The following ZC3H4 variants were observed in gnomAD, a reference collection of about 807,000 sequenced individuals.
The protein encoded by ZC3H4 is zinc finger CCCH domain-containing protein 4.
ZC3H4 carries 13 observed loss-of-function variants against 108.3 expected under a neutral mutation model. The observed-to-expected ratio is 0.12, with a 90% CI of 0.08 to 0.19. The LOEUF is 0.19. Ranked by LOEUF, ZC3H4 falls within the 10% of genes least tolerant of loss-of-function variation. ZC3H4 has a pLI of 1.00. For missense variants in ZC3H4, 1,734 were observed against 1,838.8 expected, an observed-to-expected ratio of 0.94 and a Z score of 1.04; for synonymous variants, 917 against 749.6, an observed-to-expected ratio of 1.22 and a Z score of -3.65.
chr19:47,075,132 G>A (rs1274884634), intron 11 of ZC3H4, among the ~76,000 whole-genome samples: 1 of 152,116 alleles, frequency 6.6e-6, no homozygotes, highest in African/African-American at 2.4e-5. Context: ...TGGAACCCCA[G>A]GGTCCAATAA....
chr19:47,084,296 T>G (rs1184964868), intron 9 of ZC3H4, 49 bp downstream of exon 9: 1 of 1,573,348 alleles, frequency 6.4e-7, no homozygotes, highest in South Asian at 1.1e-5. Flanking sequence ...CCATGTGTCC[T>G]CTGGGGGCTA....
chr19:47,085,248 C>T, intron 7 of ZC3H4, 53 bp from the exon 8 acceptor site: 1 of 1,574,422 alleles, frequency 6.4e-7, no homozygotes, highest in South Asian at 1.1e-5. Flanking sequence ...CCCCCACCCC[C>T]AGGACTAGAT....
rs1379002272 is a variant in ZC3H4, at chr19:47,070,556, G to A, written c.2147-1213C>T. ...AGCTTTTCCCGTGCACCTTTTAGAC[G>A]CATTTGTTGAAGGGGGAGGAGCTGA... On this transcript the variant is annotated intron_variant, in intron 13 of 14. Coordinates refer to ENST00000253048, the MANE Select transcript of ZC3H4 (RefSeq NM_015168.2). Among the ~76,000 whole-genome samples, 7 of 152,152 alleles carry A rather than the reference G, an allele frequency of 4.6e-5. No homozygotes were observed. The South Asian group carries it at 6.2e-4, about 14-fold the overall frequency.
intron 11 of ZC3H4, among the ~76,000 whole-genome samples, chr19:47,077,983 T>C (rs2057453075): frequency 6.6e-6 from 1 of 152,146 alleles, no homozygotes; most frequent in Non-Finnish European, 1.5e-5. Context: ...CAGAAAATAT[T>C]GCTCTCTACA....
chr19:47,066,419 A>G lies in ZC3H4; in HGVS notation c.3849T>C (p.Asp1283=). 6.4e-7 allele frequency: 1 copy of G among 1,571,964 alleles called. No individual in the cohort carries two copies. Among genetic ancestry groups the G allele is most frequent in the Non-Finnish European group, 8.6e-7 (1 of 1,161,242 alleles). Residue 1283 remains aspartate (D), a synonymous_variant, in exon 15 of 15, where the codon GAT becomes GAC. Transcript: ENST00000253048. ...GNSPAREGEQ[D]AASLKDVFKG... is the part of the protein sequence containing the mutation. Reference sequence around the variant, plus strand: ...TAAAAACATCCTTCAGGGATGCCGCATCCTGCTCACCCTCGCGGGCCGGAC... The same window carrying G: ...TAAAAACATCCTTCAGGGATGCCGCGTCCTGCTCACCCTCGCGGGCCGGAC...
chr19:47,112,448 T>C lies in ZC3H4; in HGVS notation c.137A>G (p.His46Arg). 8.2e-7 allele frequency: 1 copy of C among 1,226,562 alleles called. No individual in the cohort carries two copies. The allele number at this position is 1,226,562 out of a possible 1,614,324, so 76.0% of individuals were successfully genotyped here. A position where few individuals can be genotyped will look rare whatever the true frequency, so the allele number is the denominator to read the frequency against. The stretch of plus-strand genomic sequence containing the variant: ...CCTGTCGTCAGGGAGCGGGAGGCGG[T>C]GGTGGAGGAGGTGCGGGGTGGCCGG... ...ARPATPHLLH[H>R]RLPLPDDRED... Residue 46 changes from histidine to arginine, a missense_variant, in exon 2 of 15, where the codon CAC becomes CGC. By Grantham distance (29) the His-to-Arg change is conservative. This residue lies in a region of ZC3H4 where 112 missense variants were observed against 73.3 expected (regional missense o/e 1.53). Transcript: ENST00000253048.
Position 47,065,994 on chromosome 19 carries a change from A to G in ZC3H4, c.*362T>C. The G allele has an allele frequency of 1.7e-5, 3 of 179,656 alleles. No homozygotes were observed. The highest frequency in any genetic ancestry group is 3.5e-5 in the Non-Finnish European group (3 of 86,776). 11.1% of individuals were successfully genotyped at this position (179,656 alleles called of 1,614,324 possible). On this transcript the variant is annotated 3_prime_UTR_variant, in exon 15 of 15. Coordinates refer to ENST00000253048, the MANE Select transcript of ZC3H4 (RefSeq NM_015168.2). ...AACTGTTCCCTTTGTCCTGGGGAAA[A>G]GGGGCCATGCTTTGCCCAGAAAACC...
chr19:47,085,272 G>A (rs1345651359), intron 7 of ZC3H4, 46 bp downstream of exon 7: 40 of 1,552,580 alleles, frequency 2.6e-5, no homozygotes, highest in Non-Finnish European at 3.4e-5. Context: ...AGCAGCTGCT[G>A]GAATCCCTGC....
intron 11 of ZC3H4, among the ~76,000 whole-genome samples, chr19:47,076,538 C>A (rs568457292): frequency 6.6e-6 from 1 of 152,272 alleles, no homozygotes; most frequent in African/African-American, 2.4e-5. Flanking sequence ...GGGGTGGTGA[C>A]ATGACTCAAT....
intron 11 of ZC3H4, among the ~76,000 whole-genome samples, chr19:47,076,098 T>C (rs1265238767): frequency 6.6e-6 from 1 of 152,228 alleles, no homozygotes; most frequent in Non-Finnish European, 1.5e-5. Flanking sequence ...TTAGGCCATG[T>C]GAATAAGCTC....
chr19:47,100,164 A>G (rs1378981517), intron 2 of ZC3H4, among the ~76,000 whole-genome samples: 2 of 152,214 alleles, frequency 1.3e-5, no homozygotes, highest in Admixed American at 6.5e-5. Flanking sequence ...TGCTTCAGAA[A>G]TTCAGCTCAG....
At chr19:47,068,025 T>C (rs747596524) in intron 14 of ZC3H4, among the ~76,000 whole-genome samples, 156 bp from the exon 15 acceptor site, 2 of 152,148 alleles carry the variant, frequency 1.3e-5, no homozygotes, top group Admixed American at 6.5e-5. Flanking sequence ...AGTGGGCGGC[T>C]GAGGAGACCC....
intron 11 of ZC3H4, among the ~76,000 whole-genome samples, chr19:47,080,642 T>A (rs891911199): frequency 4.7e-5 from 7 of 149,478 alleles, no homozygotes; most frequent in African/African-American, 1.5e-4. Context: ...ACCATAGGCA[T>A]GTGCCACAAT....
intron 9 of ZC3H4, 98 bp from the exon 10 acceptor site, chr19:47,082,393 G>A: frequency 1.1e-6 from 1 of 910,484 alleles, no homozygotes; most frequent in Non-Finnish European, 1.8e-6. Context: ...CTGGTGCATG[G>A]AGGGGCCAAT....
At chr19:47,086,876 A>G (rs886765861) in intron 5 of ZC3H4, among the ~76,000 whole-genome samples, 3 of 152,190 alleles carry the variant, frequency 2.0e-5, no homozygotes, top group African/African-American at 7.2e-5. Flanking sequence ...CCAAACTACA[A>G]GATGCTAGCC....
In ZC3H4 at chr19:47,072,474, C is replaced by A; in HGVS notation, c.1680G>T (p.Pro560=). 1.4e-6 allele frequency: 2 copies of A among 1,450,500 alleles called. No homozygotes were observed. Among genetic ancestry groups the A allele is most frequent in the Non-Finnish European group, 1.9e-6 (2 of 1,080,904 alleles). 89.9% of individuals were successfully genotyped at this position (1,450,500 alleles called of 1,614,324 possible). A position where few individuals can be genotyped will look rare whatever the true frequency, so the allele number is the denominator to read the frequency against. ...PPPGPPQMPM[P]VHEPLSPQQL... ...GCTGCGGGGACAGTGGCTCATGCAC[C>A]GGCATGGGCATCTGAGGGGGCCCGG... Residue 560 remains proline (P), a synonymous_variant, in exon 12 of 15, where the codon CCG becomes CCT. Transcript: ENST00000253048. The surrounding 1 kb of genome is among the most constrained non-coding windows in gnomAD (Gnocchi z 5.6).
chr19:47,073,420 A>G (rs1218648863), intron 11 of ZC3H4, among the ~76,000 whole-genome samples: 1 of 152,112 alleles, frequency 6.6e-6, no homozygotes, highest in East Asian at 1.9e-4. Flanking sequence ...AAATACAAAA[A>G]AAATAGCCGG....
Position 47,066,398 on chromosome 19 carries a change from A to G in ZC3H4, c.3870T>C (p.Val1290=), listed in dbSNP as rs765035218. 6.4e-7 allele frequency: 1 copy of G among 1,570,984 alleles called. No homozygotes were observed. Among genetic ancestry groups the G allele is most frequent in the East Asian group, 2.3e-5 (1 of 44,010 alleles). Residue 1290 remains valine, a synonymous_variant, in exon 15 of 15, where the codon GTT becomes GTC. Coordinates refer to ENST00000253048, the MANE Select transcript of ZC3H4 (RefSeq NM_015168.2). ...AGGCCGTGGGGTCGAAGCCTTTAAAAACATCCTTCAGGGATGCCGCATCCT... is the reference window on the plus strand; with the variant it reads ...AGGCCGTGGGGTCGAAGCCTTTAAAGACATCCTTCAGGGATGCCGCATCCT... ...GEQDAASLKD[V]FKGFDPTASP...
intron 4 of ZC3H4, 174 bp downstream of exon 4, chr19:47,093,796 T>C (rs2057776197): frequency 1.9e-6 from 1 of 517,524 alleles, no homozygotes; most frequent in South Asian, 3.5e-5. Context: ...GGCTGCCTTG[T>C]TGAAATTGTC....
Sources: allele counts gnomAD v4.1 joint callset (sites outside exome capture counted in the v4.1 genomes callset), GRCh38; gene constraint gnomAD v4.1.1; regional missense constraint gnomAD v4.1.1; non-coding constraint Gnocchi (gnomAD v3.1); transcripts MANE v1.5; gene names NCBI Gene and HGNC (gene_info 2026-07-23, HGNC 2026-07-21).